PRKG1: variants seen among roughly 807,000 people sequenced by gnomAD.
The protein encoded by PRKG1 is protein kinase cGMP-dependent 1.
PRKG1 carries 35 observed loss-of-function variants against 88.1 expected under a neutral mutation model. That is an observed-to-expected ratio of 0.40 (90% CI 0.30 to 0.53). The LOEUF (loss-of-function observed/expected upper bound fraction) is 0.53, where lower values mean the gene tolerates loss of function less well. PRKG1 is among the 20% of genes least tolerant of loss of function. The pLI is 0.59. For missense variants in PRKG1, 540 were observed against 839.8 expected (o/e 0.64, Z 4.41); for synonymous variants, 303 against 292.5 (o/e 1.04, Z -0.37).
At chr10:51,213,283 A>C (rs563489793) in intron 2 of PRKG1, among the ~76,000 whole-genome samples, 66 of 151,516 alleles carry the variant, frequency 4.4e-4, no homozygotes, top group African/African-American at 1.6e-3. Flanking sequence ...ACATGGACAC[A>C]GGAAGGGGAA....
intron 7 of PRKG1, among the ~76,000 whole-genome samples, chr10:52,119,357 A>T (rs1414863562): frequency 2.0e-5 from 3 of 152,220 alleles, no homozygotes; most frequent in Non-Finnish European, 4.4e-5. Flanking sequence ...TCTCAAGGTC[A>T]TATACCAAGT....
At chr10:51,882,262 T>C (rs544091697) in intron 4 of PRKG1, among the ~76,000 whole-genome samples, 1 of 152,292 alleles carries the variant, frequency 6.6e-6, no homozygotes, top group African/African-American at 2.4e-5. Flanking sequence ...TGGAGAAACA[T>C]TATCAGTGAC....
intron 3 of PRKG1, among the ~76,000 whole-genome samples, chr10:51,553,862 A>G (rs1395574870): frequency 9.3e-6 from 1 of 107,678 alleles, no homozygotes; most frequent in Non-Finnish European, 1.9e-5. Flanking sequence ...CGTGTATATA[A>G]TATATGTATG....
At chr10:51,340,325 A>G (rs770112317) in intron 2 of PRKG1, among the ~76,000 whole-genome samples, 38 of 152,166 alleles carry the variant, frequency 2.5e-4, no homozygotes, top group Non-Finnish European at 2.9e-4. Flanking sequence ...TTCTAAGAAT[A>G]TATTGTACTT....
chr10:52,133,162 T>TG (rs1178540489), intron 7 of PRKG1, among the ~76,000 whole-genome samples: 1 of 152,078 alleles, frequency 6.6e-6, no homozygotes, highest in Non-Finnish European at 1.5e-5. Context: ...CTTTAACTAC[T>TG]GGATCAAACA....
chr10:51,749,932 CTT>C (rs1179911606), intron 3 of PRKG1, among the ~76,000 whole-genome samples: 23 of 131,692 alleles, frequency 1.7e-4, no homozygotes, highest in Non-Finnish European at 2.3e-4. Context: ...CTCTAATAGT[CTT>C]TTTTTTTTTT....
At chr10:51,163,731 C>T (rs2131992745) in intron 2 of PRKG1, among the ~76,000 whole-genome samples, 2 of 152,334 alleles carry the variant, frequency 1.3e-5, no homozygotes, top group East Asian at 3.9e-4. Context: ...AAACGGCGCA[C>T]CAGGAGATTA....
At chr10:51,296,771 T>C (rs1487409764) in intron 2 of PRKG1, among the ~76,000 whole-genome samples, 3 of 152,144 alleles carry the variant, frequency 2.0e-5, no homozygotes, top group African/African-American at 7.2e-5. Context: ...ATGTTGCTTA[T>C]TTGAGAATGT....
intron 9 of PRKG1, among the ~76,000 whole-genome samples, chr10:52,233,226 A>T (rs1232405391): frequency 2.0e-5 from 3 of 151,432 alleles, no homozygotes; most frequent in Non-Finnish European, 4.4e-5. Flanking sequence ...TGAGAATAGC[A>T]TGTGGCCAAA....
At chr10:51,219,329 G>C (rs1589254068) in intron 2 of PRKG1, among the ~76,000 whole-genome samples, 1 of 152,152 alleles carries the variant, frequency 6.6e-6, no homozygotes, top group East Asian at 1.9e-4. Flanking sequence ...GGGTTACATA[G>C]TTAAGTCTTC....
chr10:51,988,298 T>C (rs1844215097), intron 5 of PRKG1, among the ~76,000 whole-genome samples: 1 of 152,236 alleles, frequency 6.6e-6, no homozygotes, highest in East Asian at 1.9e-4. Context: ...TATGTTTAAC[T>C]TGATGCAACA....
intron 7 of PRKG1, among the ~76,000 whole-genome samples, chr10:52,132,913 G>A (rs1241142043): frequency 6.6e-6 from 1 of 152,092 alleles, no homozygotes; most frequent in East Asian, 1.9e-4. Context: ...GGAGAACGGG[G>A]TATCCACCCC....
chr10:51,723,579 G>T (rs1373896937), intron 3 of PRKG1, among the ~76,000 whole-genome samples: 2 of 151,676 alleles, frequency 1.3e-5, no homozygotes, highest in Non-Finnish European at 2.9e-5. Context: ...TATGTAACCT[G>T]CATGTTCTGC....
chr10:52,272,383 A>C lies in PRKG1; in HGVS notation c.1314-9A>C. ...TTATAATCTTTGTTTTCTTGTTTGC[A>C]ATTTACAGACTGTACAGAACATTTA... On this transcript the variant is annotated splice_polypyrimidine_tract_variant and intron_variant, in intron 11 of 17. Coordinates refer to ENST00000373980, the MANE Select transcript of PRKG1 (RefSeq NM_006258.4). 2 of 1,574,500 alleles carry C rather than the reference A, an allele frequency of 1.3e-6. No individual in the cohort carries two copies. The highest frequency in any genetic ancestry group is 8.7e-7 in the Non-Finnish European group (1 of 1,154,298).
chr10:52,130,023 C>G (rs1296679672), intron 7 of PRKG1, among the ~76,000 whole-genome samples: 1 of 152,138 alleles, frequency 6.6e-6, no homozygotes, highest in Non-Finnish European at 1.5e-5. Context: ...CATTCCCTAA[C>G]CTCTATTCTC....
At chr10:51,695,686 A>G (rs984225644) in intron 3 of PRKG1, 1 of 152,220 alleles carries the variant, frequency 6.6e-6, no homozygotes, top group Non-Finnish European at 1.5e-5. Context: ...ATCCTCTCCA[A>G]TATAGGGGAG....
rs1842329851 is a variant in PRKG1 at position 52,293,980 on chromosome 10, GAGA to G, written c.*84_*86del. 5 of 1,205,240 alleles carry G rather than the reference GAGA, an allele frequency of 4.1e-6. No individual in the cohort carries two copies. The highest frequency in any genetic ancestry group is 1.9e-5 in the Admixed American group (1 of 53,644). The allele number at this position is 1,205,240 out of a possible 1,614,324, so 74.7% of individuals were successfully genotyped here. On this transcript the variant is annotated 3_prime_UTR_variant, in exon 18 of 18. Coordinates refer to ENST00000373980, the MANE Select transcript of PRKG1 (RefSeq NM_006258.4). ...GCTGCCAGCAAACCTGAGGGAAAGAGAGAAGATTAGTGCTCGGGGTCACCATGA... is the reference window on the plus strand; with the variant it reads ...GCTGCCAGCAAACCTGAGGGAAAGAGAGATTAGTGCTCGGGGTCACCATGA...
At chr10:51,811,982 G>A (rs1324206323) in intron 4 of PRKG1, among the ~76,000 whole-genome samples, 2 of 152,138 alleles carry the variant, frequency 1.3e-5, no homozygotes, top group African/African-American at 4.8e-5. Context: ...TTGAGTATTT[G>A]TATGACTTAT....
intron 4 of PRKG1, among the ~76,000 whole-genome samples, chr10:51,849,794 C>G (rs941441049): frequency 6.6e-6 from 1 of 151,870 alleles, no homozygotes; most frequent in Non-Finnish European, 1.5e-5. Context: ...CTTTAGAAAC[C>G]TAACTTTCAA....
Sources: gnomAD v4.1 joint callset for allele counts (sites outside exome capture counted in the v4.1 genomes callset) on GRCh38, gnomAD v4.1.1 for gene constraint, MANE v1.5 for transcripts, NCBI Gene and HGNC (gene_info 2026-07-23, HGNC 2026-07-21) for gene names.